The following SYNPR variants were observed in gnomAD, a reference collection of about 807,000 sequenced individuals.
SYNPR encodes the protein synaptoporin.
Under a neutral mutation model 32.9 loss-of-function variants are expected in SYNPR, and 23 were observed. The ratio of observed to expected loss-of-function variants is 0.70; its 90% CI spans 0.50 to 0.99. The LOEUF is 0.99. SYNPR is among the 50% of genes least tolerant of loss of function. The pLI is 0.00. For synonymous variants in SYNPR, 146 were observed against 135.9 expected (o/e 1.07, Z -0.52); for missense variants, 318 against 349.3 (o/e 0.91, Z 0.71).
At position 63,256,973 on chromosome 3, in the gene SYNPR, T is replaced by C. The variant is rs933785827; in HGVS notation, n.154+4387T>C. ...CAACTGGAAGAAAGGGTATCAGTGA[T>C]GGAAGATCAAATGAATGAAATGAAG... On this transcript the variant is annotated intron_variant and non_coding_transcript_variant, in intron 2 of 4. Transcript: ENST00000478456. 2.0e-5 allele frequency among the ~76,000 whole-genome samples: 3 copies of C among 152,094 alleles called. No homozygotes were observed. The East Asian group carries it at 5.8e-4, about 29-fold the overall frequency.
intron 4 of SYNPR, among the ~76,000 whole-genome samples, chr3:63,607,839 G>A (rs1700145427): frequency 1.3e-5 from 2 of 152,226 alleles, no homozygotes; most frequent in South Asian, 4.1e-4. Flanking sequence ...AGTTCCCTCA[G>A]TGTAGATCAT....
intron 3 of SYNPR, among the ~76,000 whole-genome samples, chr3:63,547,771 A>G (rs1702434235): frequency 6.6e-6 from 1 of 152,154 alleles, no homozygotes. Context: ...TAAGAGCAAG[A>G]GCTTTGGGGT....
intron 2 of SYNPR, among the ~76,000 whole-genome samples, chr3:63,325,548 T>C (rs74705789): frequency 0.024 from 3,625 of 152,184 alleles, 60 homozygotes; most frequent in Non-Finnish European, 0.036. Flanking sequence ...CTGGTGACAG[T>C]AGGGAGTGGC....
At chr3:63,324,522 G>A (rs1480779347) in intron 2 of SYNPR, among the ~76,000 whole-genome samples, 1 of 152,066 alleles carries the variant, frequency 6.6e-6, no homozygotes, top group Non-Finnish European at 1.5e-5. Context: ...AGAACAGAGG[G>A]ACCAATTATG....
intron 2 of SYNPR, among the ~76,000 whole-genome samples, chr3:63,292,221 T>G (rs115355610): frequency 6.6e-6 from 1 of 152,166 alleles, no homozygotes; most frequent in African/African-American, 2.4e-5. Flanking sequence ...TTTAAAAAAA[T>G]TTTTAATTGA....
At chr3:63,548,109 T>A (rs548423430) in intron 3 of SYNPR, among the ~76,000 whole-genome samples, 1 of 152,304 alleles carries the variant, frequency 6.6e-6, no homozygotes, top group East Asian at 1.9e-4. Context: ...TCATTCCCCA[T>A]AGTTCATTGT....
chr3:63,520,756 T>C (rs1011910076), intron 3 of SYNPR, among the ~76,000 whole-genome samples: 1 of 151,762 alleles, frequency 6.6e-6, no homozygotes, highest in Non-Finnish European at 1.5e-5. Flanking sequence ...TAGTGAGAGG[T>C]GAGGCCAGAA....
rs1241540537 is a variant in SYNPR, at chr3:63,280,040, A to C, written c.84+1298A>C. ...GCATTCATTCATTCAGCCATTCAAT[A>C]AATATTTCCTGTGAAGTAGTGGCCT... On this transcript the variant is annotated intron_variant, in intron 2 of 5. Transcript: ENST00000478300. 2.6e-5 allele frequency among the ~76,000 whole-genome samples: 4 copies of C among 152,334 alleles called. No individual in the cohort carries two copies. In the East Asian group the frequency reaches 7.7e-4, roughly 29 times the overall value.
intron 2 of SYNPR, chr3:63,452,084 CA>C (rs1013927000): frequency 1.1e-5 from 8 of 702,052 alleles, no homozygotes; most frequent in African/African-American, 1.0e-4. Flanking sequence ...AAGGGTTTCT[CA>C]AACGTTTTTT....
intron 4 of SYNPR, among the ~76,000 whole-genome samples, chr3:63,575,479 T>C (rs1230884479): frequency 6.6e-6 from 1 of 152,100 alleles, no homozygotes; most frequent in African/African-American, 2.4e-5. Context: ...TAGGAACCAA[T>C]TAGAGATTGT....
intron 3 of SYNPR, among the ~76,000 whole-genome samples, chr3:63,513,478 G>A (rs1701736216): frequency 6.6e-6 from 1 of 152,062 alleles, no homozygotes; most frequent in Non-Finnish European, 1.5e-5. Flanking sequence ...ATAGCTGCAT[G>A]GTATTATAGG....
At chr3:63,559,888 C>T (rs750062618) in intron 4 of SYNPR, among the ~76,000 whole-genome samples, 1 of 152,042 alleles carries the variant, frequency 6.6e-6, no homozygotes, top group Non-Finnish European at 1.5e-5. Context: ...TAAACATGCT[C>T]ACAGGACTTT....
At chr3:63,531,613 A>G (rs1003836930) in intron 3 of SYNPR, among the ~76,000 whole-genome samples, 2 of 152,220 alleles carry the variant, frequency 1.3e-5, no homozygotes, top group African/African-American at 2.4e-5. Context: ...CTAGACTTCA[A>G]CAAAAGCTTT....
intron 2 of SYNPR, among the ~76,000 whole-genome samples, chr3:63,347,896 T>A (rs910824920): frequency 5.3e-5 from 8 of 151,494 alleles, no homozygotes; most frequent in Non-Finnish European, 1.2e-4. Context: ...TGTGTGTGTG[T>A]GTGTGTGTGT....
chr3:63,390,187 A>G (rs1173361196), intron 2 of SYNPR, among the ~76,000 whole-genome samples: 1 of 152,204 alleles, frequency 6.6e-6, no homozygotes, highest in Non-Finnish European at 1.5e-5. Flanking sequence ...GATCATGATA[A>G]ACAAATGTGC....
At chr3:63,421,142 G>A (rs962269416) in intron 2 of SYNPR, among the ~76,000 whole-genome samples, 11 of 152,166 alleles carry the variant, frequency 7.2e-5, no homozygotes, top group South Asian at 6.2e-4. Context: ...TTTGGCCTCC[G>A]AAATTGCCGG....
At chr3:63,423,088 A>G (rs1443769814) in intron 2 of SYNPR, among the ~76,000 whole-genome samples, 1 of 152,252 alleles carries the variant, frequency 6.6e-6, no homozygotes, top group African/African-American at 2.4e-5. Context: ...ATATTGCTGC[A>G]TGCTATTTAT....
intron 4 of SYNPR, among the ~76,000 whole-genome samples, chr3:63,604,893 T>C (rs921630633): frequency 6.6e-6 from 1 of 152,258 alleles, no homozygotes; most frequent in African/African-American, 2.4e-5. Context: ...AGTTTTTACA[T>C]ACATAAGCTT....
chr3:63,493,234 G>A (rs1701288996), intron 3 of SYNPR, among the ~76,000 whole-genome samples: 2 of 152,052 alleles, frequency 1.3e-5, no homozygotes, highest in Non-Finnish European at 1.5e-5. Context: ...GCCATGAGAG[G>A]ACTTAGATTC....
Sources: gnomAD v4.1 joint callset for allele counts (sites outside exome capture counted in the v4.1 genomes callset) on GRCh38, gnomAD v4.1.1 for gene constraint, MANE v1.5 for transcripts, NCBI Gene and HGNC (gene_info 2026-07-23, HGNC 2026-07-21) for gene names.